ABLIM3: variants seen among roughly 807,000 people sequenced by gnomAD.
ABLIM3 encodes the protein actin binding LIM protein family member 3.
A neutral mutation model predicts 109.5 loss-of-function variants in ABLIM3; 61 were observed. The observed-to-expected ratio is 0.56, with a 90% CI of 0.45 to 0.69. ABLIM3 has a LOEUF of 0.69. ABLIM3 is among the 30% of genes least tolerant of loss of function. The pLI is 0.00. For missense variants in ABLIM3, 796 were observed against 889.5 expected, an observed-to-expected ratio of 0.89 and a Z score of 1.34; for synonymous variants, 300 against 324.8, an observed-to-expected ratio of 0.92 and a Z score of 0.82.
rs145102658 is a variant in ABLIM3 at position 149,207,081 on chromosome 5, C to G, written c.522C>G (p.Ser174Arg). 2 of 1,614,074 alleles carry G rather than the reference C, an allele frequency of 1.2e-6. No individual in the cohort carries two copies. Among genetic ancestry groups the G allele is most frequent in the Non-Finnish European group, 1.7e-6 (2 of 1,179,984 alleles). The change falls in exon 6 of 24, where the codon AGC becomes AGG. Residue 174 changes from serine to arginine, a missense_variant. Physicochemically the swap from Ser to Arg is moderately radical, Grantham distance 110. Transcript: ENST00000309868. Reference sequence around the variant, plus strand: ...CTCTGGACAAGCAGTGGCACGTCAGCTGCTTCAAGTGCCAGACCTGCAGCG... The same window carrying G: ...CTCTGGACAAGCAGTGGCACGTCAGGTGCTTCAAGTGCCAGACCTGCAGCG... ...LLALDKQWHV[S>R]CFKCQTCSVI...
intron 2 of ABLIM3, among the ~76,000 whole-genome samples, chr5:149,154,324 G>T (rs1420717966): frequency 6.6e-6 from 1 of 152,230 alleles, no homozygotes; most frequent in Non-Finnish European, 1.5e-5. Context: ...AAAGAGAGTT[G>T]CCTGTGATGT....
At chr5:149,238,293 G>C (rs1026819105) in intron 11 of ABLIM3, among the ~76,000 whole-genome samples, 1 of 152,208 alleles carries the variant, frequency 6.6e-6, no homozygotes, top group African/African-American at 2.4e-5. Flanking sequence ...GACCCCTTGA[G>C]TTAATTTGAG....
At position 149,250,448 on chromosome 5, in the gene ABLIM3, T is replaced by A; in HGVS notation, c.1731T>A (p.Asp577Glu). The change falls in exon 20 of 24, where the codon GAT becomes GAA. Residue 577 changes from aspartate to glutamate, a missense_variant and splice_region_variant. Physicochemically the swap from Asp to Glu is conservative, Grantham distance 45 (BLOSUM62 2). Transcript: ENST00000309868. Reference protein sequence around the residue: ...SPRSHYLADSDPLISKSASLP... With the variant: ...SPRSHYLADSEPLISKSASLP... ...ATTGCTCTAGATCCTTCTTTTCAGA[T>A]CCTCTCATCTCCAAATCTGCCTCCC... is the stretch of plus-strand genomic sequence containing the variant. The A allele has an allele frequency of 6.2e-7, 1 of 1,614,078 alleles. No individual in the cohort carries two copies. Among genetic ancestry groups the A allele is most frequent in the African/African-American group, 1.3e-5 (1 of 75,020 alleles).
At chr5:149,207,735 C>G (rs1044569032) in intron 6 of ABLIM3, among the ~76,000 whole-genome samples, 2 of 152,098 alleles carry the variant, frequency 1.3e-5, no homozygotes, top group Non-Finnish European at 2.9e-5. Flanking sequence ...TGCTATATCC[C>G]CTGCCCTGAG....
intron 8 of ABLIM3, among the ~76,000 whole-genome samples, chr5:149,221,341 T>C (rs1001794605): frequency 3.3e-5 from 5 of 152,230 alleles, no homozygotes; most frequent in African/African-American, 4.8e-5. Context: ...AAGCAACTTA[T>C]ATAAGAGAGA....
At chr5:149,184,477 C>T (rs925782436) in intron 3 of ABLIM3, among the ~76,000 whole-genome samples, 1 of 152,082 alleles carries the variant, frequency 6.6e-6, no homozygotes, top group Non-Finnish European at 1.5e-5. Flanking sequence ...CCAGGTTTTC[C>T]CCATGTCAAA....
In ABLIM3 at chr5:149,240,739, C is replaced by T. The variant is rs745444085; in HGVS notation, c.1268C>T (p.Thr423Ile). 8.1e-6 allele frequency: 13 copies of T among 1,614,070 alleles called. No individual in the cohort carries two copies. Among genetic ancestry groups the T allele is most frequent in the Admixed American group, 1.7e-5 (1 of 60,014 alleles). Reference protein sequence around the residue: ...SQLDVRSSTPTSYQAPKHFHI... With the variant: ...SQLDVRSSTPISYQAPKHFHI... ...TTAGATGTGAGGTCCTCCACTCCAA[C>T]CTCTTACCAGGCTCCCAAGCACTTT... The change falls in exon 14 of 24, where the codon ACC (threonine) becomes ATC (isoleucine). Residue 423 changes from threonine (T) to isoleucine (I), a missense_variant. Coordinates refer to ENST00000309868, the MANE Select transcript of ABLIM3 (RefSeq NM_014945.5).
intron 5 of ABLIM3, among the ~76,000 whole-genome samples, chr5:149,205,541 C>A (rs1443646394): frequency 6.6e-6 from 1 of 152,142 alleles, no homozygotes; most frequent in East Asian, 1.9e-4. Context: ...CAAGTCATTT[C>A]AGACCCCTGT....
chr5:149,246,831 C>G (rs564913880), intron 17 of ABLIM3, among the ~76,000 whole-genome samples: 6 of 152,204 alleles, frequency 3.9e-5, no homozygotes, highest in Non-Finnish European at 7.3e-5. Flanking sequence ...TAAGCAGGTG[C>G]TTGCAACCCT....
At chr5:149,235,826 G>A (rs1465358983) in intron 10 of ABLIM3, among the ~76,000 whole-genome samples, 1 of 152,206 alleles carries the variant, frequency 6.6e-6, no homozygotes, top group Non-Finnish European at 1.5e-5. Flanking sequence ...ACTGAGGAAG[G>A]TTTCATGACG....
intron 2 of ABLIM3, among the ~76,000 whole-genome samples, chr5:149,146,472 A>C (rs923665494): frequency 2.0e-5 from 3 of 152,196 alleles, no homozygotes; most frequent in Non-Finnish European, 2.9e-5. Flanking sequence ...TCTTTCATCC[A>C]TCTTGAGTTA....
intron 7 of ABLIM3, among the ~76,000 whole-genome samples, chr5:149,215,110 A>C (rs1419391743): frequency 6.6e-6 from 1 of 152,154 alleles, no homozygotes; most frequent in Non-Finnish European, 1.5e-5. Context: ...AGCTGGGGTG[A>C]GGTAGTGGGG....
chr5:149,188,586 T>C (rs1213226772), intron 3 of ABLIM3, among the ~76,000 whole-genome samples: 1 of 152,256 alleles, frequency 6.6e-6, no homozygotes. Flanking sequence ...GCCGCCATCT[T>C]GCTGCGTCTT....
chr5:149,171,551 A>G (rs1348847556), intron 2 of ABLIM3, among the ~76,000 whole-genome samples: 3 of 152,236 alleles, frequency 2.0e-5, no homozygotes, highest in Non-Finnish European at 4.4e-5. Context: ...GACAGGTTCC[A>G]TACCCTATCT....
intron 2 of ABLIM3, among the ~76,000 whole-genome samples, chr5:149,182,334 C>T (rs1581066476): frequency 6.6e-6 from 1 of 152,142 alleles, no homozygotes; most frequent in South Asian, 2.1e-4. Context: ...AAGGTATGAG[C>T]AGAAGTTTTT....
At chr5:149,230,340 G>A (rs962602735) in intron 8 of ABLIM3, among the ~76,000 whole-genome samples, 3 of 152,192 alleles carry the variant, frequency 2.0e-5, no homozygotes, top group Non-Finnish European at 4.4e-5. Context: ...TGTGGAAAGA[G>A]ACACAAAGAA....
chr5:149,247,954 C>A, intron 18 of ABLIM3, 25 bp downstream of exon 18: 1 of 1,608,012 alleles, frequency 6.2e-7, no homozygotes, highest in Non-Finnish European at 8.5e-7. Context: ...GGAAGCCCAA[C>A]GGGGCGGGGA....
chr5:149,148,054 A>G (rs1753088873), intron 2 of ABLIM3, among the ~76,000 whole-genome samples: 1 of 152,114 alleles, frequency 6.6e-6, no homozygotes, highest in Non-Finnish European at 1.5e-5. Context: ...AGCACACCTG[A>G]AGTGTGATTT....
intron 2 of ABLIM3, among the ~76,000 whole-genome samples, chr5:149,156,376 G>T (rs1455476483): frequency 6.6e-6 from 1 of 152,186 alleles, no homozygotes; most frequent in Non-Finnish European, 1.5e-5. Context: ...TTAAGTGAGT[G>T]AATATATGTG....
Sources: allele counts gnomAD v4.1 joint callset (sites outside exome capture counted in the v4.1 genomes callset), GRCh38; gene constraint gnomAD v4.1.1; transcripts MANE v1.5; gene names NCBI Gene and HGNC (gene_info 2026-07-23, HGNC 2026-07-21).